Variants in KCTD16 observed in about 807,000 individuals in gnomAD.
The protein encoded by KCTD16 is potassium channel tetramerization domain containing 16.
KCTD16 carries 13 observed loss-of-function variants against 33.2 expected under a neutral mutation model. The observed-to-expected ratio is 0.39, with a 90% confidence interval of 0.25 to 0.62. The LOEUF (loss-of-function observed/expected upper bound fraction) is 0.62. KCTD16 is among the 20% of genes least tolerant of loss of function. The pLI is 0.50. For synonymous variants in KCTD16, 197 were observed against 195.3 expected, an observed-to-expected ratio of 1.01 and a Z score of -0.07; for missense variants, 441 against 525.1, an observed-to-expected ratio of 0.84 and a Z score of 1.57.
intron 3 of KCTD16, among the ~76,000 whole-genome samples, chr5:144,361,045 C>T: frequency 8.4e-6 from 1 of 118,880 alleles, no homozygotes; most frequent in Non-Finnish European, 1.7e-5. Flanking sequence ...CCAATGCTAT[C>T]CCTCCCCCCT....
rs150711797 is a variant in KCTD16, at chr5:144,305,769, G to A, written c.832+98223G>A. Among the ~76,000 whole-genome samples the A allele has an allele frequency of 2.0e-4, 30 of 152,226 alleles. No individual in the cohort carries two copies. In the East Asian group the frequency reaches 4.4e-3, roughly 23 times the overall value. ...GCGCAGGTTGCAGTGAGCTGAGATC[G>A]TGCCACTGCACCCCAGCCTGGAGAC... On this transcript the variant is annotated intron_variant, in intron 3 of 3. Coordinates refer to ENST00000512467, the MANE Select transcript of KCTD16 (RefSeq NM_020768.4).
Position 144,207,264 on chromosome 5 carries a change from G to A in KCTD16, c.550G>A (p.Ala184Thr), listed in dbSNP as rs1468434811. The change falls in exon 3 of 4, where the codon GCC becomes ACC. Residue 184 changes from alanine to threonine, a missense_variant. Around this residue, in one of 3 missense-constraint regions of KCTD16, gnomAD observed 355 missense variants for 413.0 expected, o/e 0.86. Coordinates refer to ENST00000512467, the MANE Select transcript of KCTD16 (RefSeq NM_020768.4). ...CTTGGGCAGAGAGGGACAGGCAGAT[G>A]CCAAGTTTCGGAGAGTTCCCCGGAT... ...CTLGREGQAD[A>T]KFRRVPRILV... is the part of the protein sequence containing the mutation. The A allele has an allele frequency of 8.1e-6, 13 of 1,614,234 alleles. No homozygotes were observed. Among genetic ancestry groups the A allele is most frequent in the African/African-American group, 5.3e-5 (4 of 75,046 alleles).
At chr5:144,405,401 T>C (rs1348572382) in intron 3 of KCTD16, among the ~76,000 whole-genome samples, 2 of 152,220 alleles carry the variant, frequency 1.3e-5, no homozygotes, top group African/African-American at 4.8e-5. Flanking sequence ...GACCCTGCAA[T>C]GTTTGGCAAA....
At chr5:144,226,973 C>T (rs1431322929) in intron 3 of KCTD16, among the ~76,000 whole-genome samples, 2 of 152,136 alleles carry the variant, frequency 1.3e-5, no homozygotes, top group Non-Finnish European at 2.9e-5. Flanking sequence ...ATTTATTTAA[C>T]TATTTTTATT....
In KCTD16 at chr5:144,240,129, T is replaced by C. The variant is rs1270836881; in HGVS notation, c.832+32583T>C. On this transcript the variant is annotated intron_variant, in intron 3 of 3. Transcript: ENST00000512467. ...ATTAAGTAATGTAACATCAGACACG[T>C]AGCTAATAAGTGGTAAAATCAGATT... 2.6e-5 allele frequency among the ~76,000 whole-genome samples: 4 copies of C among 152,282 alleles called. No homozygotes were observed. In the East Asian group the frequency reaches 7.7e-4, roughly 29 times the overall value.
intron 3 of KCTD16, among the ~76,000 whole-genome samples, chr5:144,419,067 T>C (rs1753150784): frequency 6.6e-6 from 1 of 152,182 alleles, no homozygotes; most frequent in Non-Finnish European, 1.5e-5. Context: ...GGAGTCTTCC[T>C]AAAATACAGT....
chr5:144,366,549 C>A lies in KCTD16; in HGVS notation c.833-107111C>A, dbSNP rs971023483. 2.0e-5 allele frequency among the ~76,000 whole-genome samples: 3 copies of A among 152,198 alleles called. No individual in the cohort carries two copies. In the East Asian group the frequency reaches 5.8e-4, roughly 29 times the overall value. ...ACCTGGAGTAATGACCCAGCTCAGCCATTTGCTAACTCTATGTTTGCAGGC... is the reference window on the plus strand; with the variant it reads ...ACCTGGAGTAATGACCCAGCTCAGCAATTTGCTAACTCTATGTTTGCAGGC... On this transcript the variant is annotated intron_variant, in intron 3 of 3. Transcript: ENST00000512467.
chr5:144,283,342 A>T (rs571478680), intron 3 of KCTD16, among the ~76,000 whole-genome samples: 1 of 152,222 alleles, frequency 6.6e-6, no homozygotes, highest in African/African-American at 2.4e-5. Context: ...TGCCTTATGC[A>T]TGCTGTCTAA....
chr5:144,304,858 G>A (rs1751554618), intron 3 of KCTD16, among the ~76,000 whole-genome samples: 1 of 152,024 alleles, frequency 6.6e-6, no homozygotes, highest in Non-Finnish European at 1.5e-5. Flanking sequence ...CTTCTCATTA[G>A]CACCACCTTT....
intron 3 of KCTD16, among the ~76,000 whole-genome samples, chr5:144,229,555 A>G (rs1176109219): frequency 1.3e-5 from 2 of 152,174 alleles, no homozygotes; most frequent in African/African-American, 4.8e-5. Context: ...AAATTATATT[A>G]TTTCATCTTA....
chr5:144,407,863 A>G (rs1188006415), intron 3 of KCTD16, among the ~76,000 whole-genome samples: 2 of 152,176 alleles, frequency 1.3e-5, no homozygotes, highest in Non-Finnish European at 2.9e-5. Flanking sequence ...GTCCCTGCAA[A>G]GGACATGATC....
intron 3 of KCTD16, among the ~76,000 whole-genome samples, chr5:144,351,479 A>G (rs1311559889): frequency 1.3e-5 from 2 of 152,164 alleles, no homozygotes; most frequent in East Asian, 3.9e-4. Flanking sequence ...GCTATTATGG[A>G]AAAGAATATG....
chr5:144,220,149 C>T (rs1424811208), intron 3 of KCTD16, among the ~76,000 whole-genome samples: 1 of 152,178 alleles, frequency 6.6e-6, no homozygotes, highest in Admixed American at 6.5e-5. Flanking sequence ...TTACCTCTCC[C>T]CCAAACACTC....
At chr5:144,248,679 A>G (rs1754615614) in intron 3 of KCTD16, among the ~76,000 whole-genome samples, 1 of 152,194 alleles carries the variant, frequency 6.6e-6, no homozygotes, top group Non-Finnish European at 1.5e-5. Context: ...CCATGATAAT[A>G]GGAATGAAGA....
At chr5:144,398,732 T>TCTCTCTCTCTCTC (rs773725543) in intron 3 of KCTD16, among the ~76,000 whole-genome samples, 1 of 151,248 alleles carries the variant, frequency 6.6e-6, no homozygotes, top group African/African-American at 2.4e-5. Flanking sequence ...TCTCTCTCTC[T>TCTCTCTCTCTCTC]TATATAAATG....
rs938484891 is a variant in KCTD16 at position 144,479,559 on chromosome 5, G to T, written c.*5445G>T. On this transcript the variant is annotated 3_prime_UTR_variant, in exon 4 of 4. Coordinates refer to ENST00000512467, the MANE Select transcript of KCTD16 (RefSeq NM_020768.4). The stretch of plus-strand genomic sequence containing the variant: ...GAATATTTGAGTAAATATTGCCAAA[G>T]GAAAGTGAAGGATGTTTAATGAAAC... 2.6e-5 allele frequency: 4 copies of T among 151,730 alleles called. No homozygotes were observed. The highest frequency in any genetic ancestry group is 7.3e-5 in the African/African-American group (3 of 41,374). 9.4% of individuals were successfully genotyped at this position (151,730 alleles called of 1,614,324 possible).
At chr5:144,405,503 C>T (rs960320314) in intron 3 of KCTD16, among the ~76,000 whole-genome samples, 1 of 152,198 alleles carries the variant, frequency 6.6e-6, no homozygotes, top group Non-Finnish European at 1.5e-5. Context: ...CTGCCAGTAA[C>T]TATTTCTGTA....
chr5:144,431,807 T>G (rs1445067686), intron 3 of KCTD16, among the ~76,000 whole-genome samples: 1 of 152,150 alleles, frequency 6.6e-6, no homozygotes, highest in Non-Finnish European at 1.5e-5. Context: ...CTCAATAACT[T>G]GAATTATTTG....
Position 144,474,702 on chromosome 5 carries a change from C to T in KCTD16, c.*588C>T, listed in dbSNP as rs2127003378. 6.5e-6 allele frequency: 1 copy of T among 153,032 alleles called. No individual in the cohort carries two copies. Among genetic ancestry groups the T allele is most frequent in the African/African-American group, 2.4e-5 (1 of 41,562 alleles). The allele number at this position is 153,032 out of a possible 1,614,324, so 9.5% of individuals were successfully genotyped here. A position where few individuals can be genotyped will look rare whatever the true frequency, so the allele number is the denominator to read the frequency against. On this transcript the variant is annotated 3_prime_UTR_variant, in exon 4 of 4. Coordinates refer to ENST00000512467, the MANE Select transcript of KCTD16 (RefSeq NM_020768.4). ...ACACATGACGCACACGATGCCAGGGCCTAGACCTCCCAAGGGCTGTGCTCC... is the reference window on the plus strand; with the variant it reads ...ACACATGACGCACACGATGCCAGGGTCTAGACCTCCCAAGGGCTGTGCTCC...
Sources: allele counts gnomAD v4.1 joint callset (sites outside exome capture counted in the v4.1 genomes callset), GRCh38; gene constraint gnomAD v4.1.1; regional missense constraint gnomAD v4.1.1; transcripts MANE v1.5; gene names NCBI Gene and HGNC (gene_info 2026-07-23, HGNC 2026-07-21).